The following NBEA variants were observed in gnomAD, a reference collection of about 807,000 sequenced individuals.
NBEA encodes neurobeachin.
NBEA carries 44 observed loss-of-function variants against 343.4 expected under a neutral mutation model. That is an observed-to-expected ratio of 0.13 (90% CI 0.10 to 0.16). The LOEUF (loss-of-function observed/expected upper bound fraction) is 0.16, where lower values mean the gene tolerates loss of function less well. Among genes scored for constraint, NBEA ranks in the 10% least tolerant of loss-of-function variants. The pLI, the probability that NBEA is intolerant of heterozygous loss-of-function variation, is 1.00. For missense variants in NBEA, 2,555 were observed against 3,631.3 expected, an observed-to-expected ratio of 0.70 and a Z score of 7.62; for synonymous variants, 1,175 against 1,238.7, an observed-to-expected ratio of 0.95 and a Z score of 1.08.
In NBEA at chr13:35,208,850, A is replaced by G. The variant is rs762081528; in HGVS notation, c.5517A>G (p.Thr1839=). 1.5e-5 allele frequency: 23 copies of G among 1,583,770 alleles called. No individual in the cohort carries two copies. The highest frequency in any genetic ancestry group is 2.0e-5 in the Non-Finnish European group (23 of 1,160,426). ...TGATPKSMIN[T]TGAVDSGSSS... ...CTACACCAAAAAGTATGATTAATACAACAGGTATTGTACTTACATATTTTT... is the reference window on the plus strand; with the variant it reads ...CTACACCAAAAAGTATGATTAATACGACAGGTATTGTACTTACATATTTTT... The change falls in exon 32 of 59, where the codon ACA becomes ACG. Residue 1839 remains threonine (T), a synonymous_variant. Coordinates refer to ENST00000379939, the MANE Select transcript of NBEA (RefSeq NM_001385012.1).
At chr13:35,016,035 G>A (rs2061645930) in intron 1 of NBEA, among the ~76,000 whole-genome samples, 1 of 152,014 alleles carries the variant, frequency 6.6e-6, no homozygotes, top group African/African-American at 2.4e-5. Context: ...CAAATAACTA[G>A]AATAAAGTTA....
At chr13:35,527,861 TC>T (rs1177723671) in intron 41 of NBEA, among the ~76,000 whole-genome samples, 1 of 152,112 alleles carries the variant, frequency 6.6e-6, no homozygotes, top group Non-Finnish European at 1.5e-5. Context: ...ATCCGCACCT[TC>T]CGCGCATCAG....
In NBEA at chr13:35,048,548, C is replaced by T. The variant is rs1251547864; in HGVS notation, c.724-15C>T. 8 of 1,599,982 alleles carry T rather than the reference C, an allele frequency of 5.0e-6. No homozygotes were observed. The highest frequency in any genetic ancestry group is 6.8e-6 in the Non-Finnish European group (8 of 1,173,738). ...TTTAACTGATACTTTCGTACCTTTT[C>T]TCATTGCCTTGTAGGCAATTGCCTT... On this transcript the variant is annotated splice_polypyrimidine_tract_variant and intron_variant, in intron 4 of 58. Transcript: ENST00000379939.
At chr13:34,953,064 GA>G in intron 1 of NBEA, among the ~76,000 whole-genome samples, 1 of 152,280 alleles carries the variant, frequency 6.6e-6, no homozygotes, top group East Asian at 1.9e-4. Context: ...TAATGATGAT[GA>G]TGACAGTGAT....
intron 41 of NBEA, among the ~76,000 whole-genome samples, chr13:35,517,726 A>G (rs1357342789): frequency 6.6e-6 from 1 of 152,066 alleles, no homozygotes; most frequent in Non-Finnish European, 1.5e-5. Flanking sequence ...TCTCCAATCA[A>G]TTTGTACCTT....
At chr13:35,349,344 T>C (rs916961950) in intron 37 of NBEA, 128 bp downstream of exon 37, 2 of 513,310 alleles carry the variant, frequency 3.9e-6, no homozygotes, top group African/African-American at 3.9e-5. Context: ...TTCCTGTTTT[T>C]TAAAAGCTTT....
At chr13:35,596,770 G>A (rs1012307924) in intron 47 of NBEA, among the ~76,000 whole-genome samples, 2 of 151,988 alleles carry the variant, frequency 1.3e-5, no homozygotes, top group African/African-American at 4.8e-5. Context: ...GTCAGAAAAG[G>A]TAGCTGTGAC....
chr13:35,097,049 T>C (rs577306880), intron 10 of NBEA, among the ~76,000 whole-genome samples: 74 of 152,046 alleles, frequency 4.9e-4, no homozygotes, highest in African/African-American at 1.8e-3. Context: ...CTAGATACTA[T>C]ATTTTGTCTA....
chr13:35,028,244 T>C (rs1288675856), intron 1 of NBEA, among the ~76,000 whole-genome samples: 1 of 151,946 alleles, frequency 6.6e-6, no homozygotes, highest in East Asian at 1.9e-4. Context: ...ATTAAACTTA[T>C]ATGTTAATTT....
At chr13:35,419,979 C>T (rs142509149) in intron 38 of NBEA, among the ~76,000 whole-genome samples, 7 of 152,154 alleles carry the variant, frequency 4.6e-5, no homozygotes, top group Non-Finnish European at 7.4e-5. Flanking sequence ...TCTTGCATCT[C>T]GTGACCTTGC....
chr13:35,667,553 A>G lies in NBEA; in HGVS notation c.8644A>G (p.Ile2882Val), dbSNP rs1216073465. 1 of 1,613,970 alleles carries G rather than the reference A, an allele frequency of 6.2e-7. No individual in the cohort carries two copies. Among genetic ancestry groups the G allele is most frequent in the Non-Finnish European group, 8.5e-7 (1 of 1,179,832 alleles). Residue 2882 changes from isoleucine (I) to valine (V), a missense_variant, in exon 57 of 59, where the codon ATC becomes GTC. This residue lies in a region of NBEA where 186 missense variants were observed against 328.9 expected (regional missense o/e 0.57). Coordinates refer to ENST00000379939, the MANE Select transcript of NBEA (RefSeq NM_001385012.1). ...INGKLLAQME[I>V]NDSTRAILLS... is the part of the protein sequence containing the mutation. ...TGGGAAACTTTTGGCTCAAATGGAGATCAATGATTCAACACGGGTAAATCT... is the reference window on the plus strand; with the variant it reads ...TGGGAAACTTTTGGCTCAAATGGAGGTCAATGATTCAACACGGGTAAATCT...
intron 1 of NBEA, among the ~76,000 whole-genome samples, chr13:35,014,901 A>G (rs2061598859): frequency 1.3e-5 from 2 of 151,774 alleles, no homozygotes; most frequent in African/African-American, 2.4e-5. Flanking sequence ...CAGCAGCATG[A>G]CCTTTGGCTT....
At chr13:35,457,701 C>T (rs561862131) in intron 40 of NBEA, among the ~76,000 whole-genome samples, 2 of 152,274 alleles carry the variant, frequency 1.3e-5, no homozygotes, top group Admixed American at 6.5e-5. Context: ...CTCTGCCTCC[C>T]GGGTTCACGC....
intron 35 of NBEA, among the ~76,000 whole-genome samples, chr13:35,293,242 AC>A (rs1039994362): frequency 1.3e-5 from 2 of 151,752 alleles, no homozygotes; most frequent in Non-Finnish European, 2.9e-5. Context: ...CATCCAGTCT[AC>A]CCCCCAATGT....
chr13:35,238,121 G>GGTATGTAT (rs760945885), intron 34 of NBEA, among the ~76,000 whole-genome samples: 1 of 152,174 alleles, frequency 6.6e-6, no homozygotes, highest in Non-Finnish European at 1.5e-5. Flanking sequence ...ACTTAGAATA[G>GGTATGTAT]GTATGTATGC....
chr13:35,581,251 G>C (rs1036560637), intron 45 of NBEA, among the ~76,000 whole-genome samples: 3 of 152,024 alleles, frequency 2.0e-5, no homozygotes, highest in Admixed American at 2.0e-4. Flanking sequence ...GTGTAAAAGT[G>C]TTCCTATTTC....
At chr13:35,406,297 C>T (rs1279114924) in intron 38 of NBEA, among the ~76,000 whole-genome samples, 7 of 144,172 alleles carry the variant, frequency 4.9e-5, no homozygotes, top group East Asian at 2.0e-4. Context: ...TCAGCCAAAT[C>T]TTTTTTTTTT....
chr13:35,245,258 T>C (rs1040853199), intron 34 of NBEA, among the ~76,000 whole-genome samples: 15 of 152,188 alleles, frequency 9.9e-5, no homozygotes, highest in Admixed American at 2.0e-4. Context: ...TCTGTAATTC[T>C]GTTTTTTAAG....
At chr13:35,324,247 C>T (rs997521951) in intron 36 of NBEA, among the ~76,000 whole-genome samples, 1 of 152,198 alleles carries the variant, frequency 6.6e-6, no homozygotes, top group African/African-American at 2.4e-5. Context: ...ACAGGCATGA[C>T]CTGTGTCATA....
Sources: allele counts gnomAD v4.1 joint callset (sites outside exome capture counted in the v4.1 genomes callset), GRCh38; gene constraint gnomAD v4.1.1; regional missense constraint gnomAD v4.1.1; transcripts MANE v1.5; gene names NCBI Gene and HGNC (gene_info 2026-07-23, HGNC 2026-07-21).